Variants in RUNX3 observed in about 807,000 individuals in gnomAD.
RUNX3 encodes runt-related transcription factor 3.
In RUNX3, 10 loss-of-function variants were observed where a neutral mutation model predicts 27.7. The observed-to-expected ratio is 0.36, with a 90% CI of 0.22 to 0.61. The LOEUF (loss-of-function observed/expected upper bound fraction) is 0.61. Ranked by LOEUF, RUNX3 falls within the 20% of genes least tolerant of loss-of-function variation. The probability of loss-of-function intolerance (pLI) is 0.72; values close to 1 mark genes in which losing one functional copy is unlikely to be tolerated. For missense variants in RUNX3, 469 were observed against 629.5 expected, an observed-to-expected ratio of 0.75 and a Z score of 2.73; for synonymous variants, 270 against 269.2, an observed-to-expected ratio of 1.00 and a Z score of -0.03.
Position 24,904,872 on chromosome 1 carries a change from G to A in RUNX3, c.704-2206C>T, listed in dbSNP as rs776775378. Reference sequence around the variant, plus strand: ...TGGAGCTCCTGTACCCCCACCCTGCGGCCTCGCAGCCCCAGGAAACCCGAG... The same window carrying A: ...TGGAGCTCCTGTACCCCCACCCTGCAGCCTCGCAGCCCCAGGAAACCCGAG... On this transcript the variant is annotated intron_variant, in intron 4 of 4. Coordinates refer to ENST00000308873, the MANE Select transcript of RUNX3 (RefSeq NM_004350.3). The surrounding 1 kb of genome is among the most constrained non-coding windows in gnomAD (Gnocchi z 5.7). 7.2e-5 allele frequency among the ~76,000 whole-genome samples: 11 copies of A among 152,188 alleles called. No individual in the cohort carries two copies. The highest frequency in any genetic ancestry group is 1.9e-4 in the African/African-American group (8 of 41,444).
intron 2 of RUNX3, among the ~76,000 whole-genome samples, chr1:24,950,563 G>A (rs1478657826): frequency 6.6e-6 from 1 of 152,200 alleles, no homozygotes; most frequent in African/African-American, 2.4e-5. Context: ...GAGGTGGGGG[G>A]GCCAGGTAGC....
chr1:24,947,211 G>A (rs150061176), intron 2 of RUNX3, among the ~76,000 whole-genome samples: 261 of 152,254 alleles, frequency 1.7e-3, no homozygotes, highest in African/African-American at 5.9e-3. Context: ...GTGCAAAGGC[G>A]CTGCCCCAGT....
intron 3 of RUNX3, among the ~76,000 whole-genome samples, chr1:24,914,947 T>A (rs1223120734): frequency 2.0e-5 from 3 of 152,144 alleles, no homozygotes; most frequent in Admixed American, 6.5e-5. Flanking sequence ...CACGCTCCAC[T>A]CCTTCTCCCA....
intron 4 of RUNX3, among the ~76,000 whole-genome samples, chr1:24,903,578 A>AC (rs948792099): frequency 2.6e-5 from 4 of 151,994 alleles, no homozygotes; most frequent in African/African-American, 9.7e-5. Context: ...GACCCCCAAA[A>AC]CCTCAGCATT....
chr1:24,953,732 C>T (rs1296027487), intron 2 of RUNX3, among the ~76,000 whole-genome samples: 3 of 152,192 alleles, frequency 2.0e-5, no homozygotes, highest in African/African-American at 7.2e-5. Flanking sequence ...GCTCCAAAAT[C>T]CAAAACTTTT....
intron 2 of RUNX3, among the ~76,000 whole-genome samples, chr1:24,937,297 T>G (rs1397979683): frequency 5.3e-5 from 8 of 152,238 alleles, no homozygotes; most frequent in African/African-American, 1.9e-4. Flanking sequence ...ACCACTGCCT[T>G]GAACTTCTGA....
intron 2 of RUNX3, among the ~76,000 whole-genome samples, chr1:24,946,406 T>G (rs1342648309): frequency 2.0e-5 from 3 of 151,280 alleles, no homozygotes; most frequent in Admixed American, 1.3e-4. Context: ...TCCTTCCTTT[T>G]TTTTTTGAGT....
intron 2 of RUNX3, among the ~76,000 whole-genome samples, chr1:24,964,053 C>A (rs758007369): frequency 6.6e-6 from 1 of 152,204 alleles, no homozygotes; most frequent in Non-Finnish European, 1.5e-5. Flanking sequence ...GAGTTACACA[C>A]AAAATGTTGG....
intron 3 of RUNX3, among the ~76,000 whole-genome samples, chr1:24,911,415 C>T (rs1234960743): frequency 2.0e-5 from 3 of 152,192 alleles, no homozygotes; most frequent in South Asian, 4.1e-4. Context: ...GGTTCGAGGA[C>T]GGGTCCTGTC....
At position 24,943,824 on chromosome 1, in the gene RUNX3, T is replaced by G. The variant is rs943086704; in HGVS notation, c.59-13972A>C. Among the ~76,000 whole-genome samples, 1 of 152,168 alleles carries G rather than the reference T, an allele frequency of 6.6e-6. No individual in the cohort carries two copies. Among genetic ancestry groups the G allele is most frequent in the African/African-American group, 2.4e-5 (1 of 41,438 alleles). ...AGATGTTACCAACCTTAACTGACAG[T>G]TTTCTGCTAGCACACAGGAAGTTCT... On this transcript the variant is annotated intron_variant, in intron 2 of 6. Coordinates refer to the RUNX3 transcript ENST00000338888. The surrounding 1 kb of genome is among the most constrained non-coding windows in gnomAD (Gnocchi z 4.6).
rs112666082 is a variant in RUNX3 at position 24,943,502 on chromosome 1, G to C, written c.59-13650C>G. The stretch of plus-strand genomic sequence containing the variant: ...TCTGTGATCATCCCCACTTACAGTT[G>C]GGGAAACTGAGGCTCGGCAAGGTTA... On this transcript the variant is annotated intron_variant, in intron 2 of 6. Coordinates refer to the RUNX3 transcript ENST00000338888. The surrounding 1 kb of genome is among the most constrained non-coding windows in gnomAD (Gnocchi z 4.6). Among the ~76,000 whole-genome samples the C allele has an allele frequency of 7.2e-5, 11 of 152,166 alleles. No homozygotes were observed. Among genetic ancestry groups the C allele is most frequent in the Non-Finnish European group, 1.3e-4 (9 of 68,014 alleles).
At chr1:24,940,269 G>A (rs890324118) in intron 2 of RUNX3, among the ~76,000 whole-genome samples, 1 of 152,158 alleles carries the variant, frequency 6.6e-6, no homozygotes, top group African/African-American at 2.4e-5. Flanking sequence ...GGCAGGGGCC[G>A]GACCAGATAC....
intron 3 of RUNX3, among the ~76,000 whole-genome samples, chr1:24,917,217 G>A (rs960394915): frequency 2.6e-5 from 4 of 152,072 alleles, no homozygotes; most frequent in African/African-American, 7.2e-5. Flanking sequence ...TCTGAGTGCC[G>A]CATCCCCACC....
intron 2 of RUNX3, among the ~76,000 whole-genome samples, chr1:24,960,937 A>G (rs1310081225): frequency 6.6e-6 from 1 of 152,134 alleles, no homozygotes; most frequent in Non-Finnish European, 1.5e-5. Flanking sequence ...GGTAGACCCC[A>G]GGGGGCCCCT....
intron 4 of RUNX3, among the ~76,000 whole-genome samples, chr1:24,903,169 G>A (rs1482034520): frequency 6.6e-6 from 1 of 152,244 alleles, no homozygotes; most frequent in Non-Finnish European, 1.5e-5. Flanking sequence ...TGGAGGCAGA[G>A]AGAGAGCAAG....
intron 2 of RUNX3, among the ~76,000 whole-genome samples, chr1:24,959,147 G>C (rs1040790764): frequency 6.6e-6 from 1 of 152,218 alleles, no homozygotes; most frequent in Non-Finnish European, 1.5e-5. Flanking sequence ...AGGTAACCGA[G>C]GGAGCCTCCG....
In RUNX3 at chr1:24,902,275, G is replaced by A. The variant is rs1161459627; in HGVS notation, c.1095C>T (p.Thr365=). The A allele has an allele frequency of 6.3e-7, 1 of 1,596,534 alleles. No homozygotes were observed. The highest frequency in any genetic ancestry group is 8.5e-7 in the Non-Finnish European group (1 of 1,173,962). ...CGGCGGCGACAGAGGCAGCGCTGCT[G>A]GTGCAAGAGGCCAGCATGCGGGTAG... ...RSPTRMLASC[T]SSAASVAAGN... Residue 365 remains threonine, a synonymous_variant, in exon 5 of 5, where the codon ACC becomes ACT. Transcript: ENST00000308873. This position sits in a 1 kb window ranked among gnomAD's most constrained non-coding sequence, Gnocchi z 9.2.
intron 3 of RUNX3, among the ~76,000 whole-genome samples, chr1:24,911,713 C>T (rs1022793731): frequency 3.3e-5 from 5 of 152,226 alleles, no homozygotes; most frequent in African/African-American, 1.2e-4. Flanking sequence ...CCGGATCCCC[C>T]GACTCCAAGC....
At chr1:24,958,354 C>T (rs935054260) in intron 2 of RUNX3, among the ~76,000 whole-genome samples, 2 of 152,186 alleles carry the variant, frequency 1.3e-5, no homozygotes, top group African/African-American at 4.8e-5. Context: ...GATTGGACCC[C>T]AGGGAGGCAA....
Sources: gnomAD v4.1 joint callset for allele counts (sites outside exome capture counted in the v4.1 genomes callset) on GRCh38, gnomAD v4.1.1 for gene constraint, Gnocchi (gnomAD v3.1) non-coding constraint, MANE v1.5 for transcripts, NCBI Gene and HGNC (gene_info 2026-07-23, HGNC 2026-07-21) for gene names.